PSG2: variants seen among roughly 807,000 people sequenced by gnomAD.
PSG2 encodes pregnancy specific beta-1-glycoprotein 2, also known as pregnancy-specific beta-1-glycoprotein 2.
PSG2 carries 49 observed loss-of-function variants against 36.2 expected under a neutral mutation model. That is an observed-to-expected ratio of 1.35 (90% CI 1.08 to 1.72). The LOEUF (loss-of-function observed/expected upper bound fraction) is 1.72. PSG2 is among the 40% of genes most tolerant of loss of function. PSG2 has a pLI of 0.00. For missense variants in PSG2, 605 were observed against 407.2 expected, an observed-to-expected ratio of 1.49 and a Z score of -4.18; for synonymous variants, 261 against 155.6, an observed-to-expected ratio of 1.68 and a Z score of -5.04.
At position 43,072,272 on chromosome 19, in the gene PSG2, C is replaced by T. The variant is rs1355564512; in HGVS notation, c.710-318G>A. On this transcript the variant is annotated intron_variant, in intron 3 of 5. Coordinates refer to ENST00000406487, the MANE Select transcript of PSG2 (RefSeq NM_031246.4). Reference sequence around the variant, plus strand: ...GAAGTAAAGTTGTCTATACTTGGACCGGAGAGAGACTGAGAGGCCTGGCCC... The same window carrying T: ...GAAGTAAAGTTGTCTATACTTGGACTGGAGAGAGACTGAGAGGCCTGGCCC... 3.9e-5 allele frequency: 62 copies of T among 1,578,622 alleles called. 2 individuals carry two copies. The highest frequency in any genetic ancestry group is 2.2e-4 in the Middle Eastern group (1 of 4,530).
Position 43,075,467 on chromosome 19 carries a change from T to C in PSG2, c.596A>G (p.Asn199Ser). The stretch of plus-strand genomic sequence containing the variant: ...GACACCAAATAGAAAGAGGGTCCTG[T>C]TGGTTTCGGACAGCTGAAACCTATG... The part of the protein sequence containing the change: ...MTHRFQLSET[N>S]RTLFLFGVTK... The change falls in exon 3 of 6, where the codon AAC (asparagine) becomes AGC (serine). Residue 199 changes from asparagine (N) to serine (S), a missense_variant. Asn to Ser is a conservative substitution (Grantham distance 46). Transcript: ENST00000406487. 1 of 1,613,186 alleles carries C rather than the reference T, an allele frequency of 6.2e-7. No individual in the cohort carries two copies. The highest frequency in any genetic ancestry group is 1.7e-4 in the Middle Eastern group (1 of 6,056).
Position 43,081,505 on chromosome 19 carries a change from C to T in PSG2, c.65-259G>A, listed in dbSNP as rs528081068. 3.6e-4 allele frequency among the ~76,000 whole-genome samples: 55 copies of T among 151,474 alleles called. 5 individuals carry two copies. The highest frequency in any genetic ancestry group is 1.3e-3 in the African/African-American group (53 of 40,994). On this transcript the variant is annotated intron_variant, in intron 1 of 5. Transcript: ENST00000406487. ...ATTCCTTCACCACTTGTGACCTTGG[C>T]ATTTTTCTGTTTGGAATCCTCTTCC...
intron 5 of PSG2, chr19:43,065,590 T>G (rs2122891428): frequency 6.6e-6 from 1 of 151,768 alleles, no homozygotes; most frequent in Non-Finnish European, 1.5e-5. Flanking sequence ...TCCCATCAGA[T>G]TTCTCTGATT....
chr19:43,080,748 A>G (rs1185926285), intron 2 of PSG2, 133 bp downstream of exon 2: 11 of 1,562,160 alleles, frequency 7.0e-6, no homozygotes, highest in Non-Finnish European at 9.7e-6. Flanking sequence ...GTCCTGCACT[A>G]AATGCCCAAA....
chr19:43,073,090 T>C (rs1973303), intron 3 of PSG2, among the ~76,000 whole-genome samples: 4 of 151,490 alleles, frequency 2.6e-5, no homozygotes, highest in Non-Finnish European at 4.4e-5. Context: ...GACTTCCCAT[T>C]GTCCTGAAAC....
Position 43,071,938 on chromosome 19 carries a change from G to C in PSG2, c.726C>G (p.Pro242=). 1 of 1,612,678 alleles carries C rather than the reference G, an allele frequency of 6.2e-7. No individual in the cohort carries two copies. Among genetic ancestry groups the C allele is most frequent in the South Asian group, 1.1e-5 (1 of 91,018 alleles). Residue 242 remains proline, a synonymous_variant, in exon 4 of 6, where the codon CCC becomes CCG. Coordinates refer to ENST00000406487, the MANE Select transcript of PSG2 (RefSeq NM_031246.4). The part of the protein sequence containing the change: ...TLNLLHGPDL[P]RIHPSYTNYR... ...AATTGGTGTATGAAGGGTGAATTCT[G>C]GGGAGGTCTGGACCATCTGGAGCAA...
intron 5 of PSG2, among the ~76,000 whole-genome samples, chr19:43,065,130 C>T (rs985987047): frequency 4.0e-5 from 6 of 151,724 alleles, no homozygotes; most frequent in Admixed American, 2.0e-4. Context: ...CCATCGCGCT[C>T]AGCCTAGAAT....
In PSG2 at chr19:43,080,929, C is replaced by G. The variant is rs368214530; in HGVS notation, c.382G>C (p.Gly128Arg). Residue 128 changes from glycine (G) to arginine (R), a missense_variant, in exon 2 of 6, where the codon GGT becomes CGT. Coordinates refer to ENST00000406487, the MANE Select transcript of PSG2 (RefSeq NM_031246.4). Reference protein sequence around the residue: ...GSYTLHIIKRGDGTRGVTGYF... With the variant: ...GSYTLHIIKRRDGTRGVTGYF... Reference sequence around the variant, plus strand: ...CCAGTTACTCCTCTAGTCCCATCACCTCGCTTTATGATGTGTAAGGTGTAG... The same window carrying G: ...CCAGTTACTCCTCTAGTCCCATCACGTCGCTTTATGATGTGTAAGGTGTAG... The G allele has an allele frequency of 6.8e-6, 11 of 1,612,676 alleles. 1 individual carries two copies. In the African/African-American group the frequency reaches 1.3e-4, roughly 20 times the overall value.
intron 2 of PSG2, among the ~76,000 whole-genome samples, chr19:43,075,952 C>T (rs1206029412): frequency 6.6e-6 from 1 of 151,536 alleles, no homozygotes; most frequent in East Asian, 1.9e-4. Flanking sequence ...GCCTGCCTGG[C>T]CCACCTTGTG....
At chr19:43,069,703 A>G (rs73559936) in intron 4 of PSG2, among the ~76,000 whole-genome samples, 1,913 of 151,794 alleles carry the variant, frequency 0.013, 96 homozygotes, top group African/African-American at 0.044. Flanking sequence ...AAATCAACCC[A>G]TAATAGATCA....
At chr19:43,070,332 G>A (rs1394101621) in intron 4 of PSG2, among the ~76,000 whole-genome samples, 1 of 151,636 alleles carries the variant, frequency 6.6e-6, no homozygotes, top group African/African-American at 2.4e-5. Flanking sequence ...GTTTGATCCA[G>A]CAATTCCACT....
At chr19:43,075,983 G>A (rs1967890405) in intron 2 of PSG2, among the ~76,000 whole-genome samples, 2 of 151,596 alleles carry the variant, frequency 1.3e-5, no homozygotes, top group Admixed American at 1.3e-4. Flanking sequence ...GGAGCATGCA[G>A]TGCTGGAATC....
At position 43,067,712 on chromosome 19, in the gene PSG2, A is replaced by G. The variant is rs1019517512; in HGVS notation, c.965-1112T>C. Among the ~76,000 whole-genome samples, 19 of 151,408 alleles carry G rather than the reference A, an allele frequency of 1.3e-4. 1 individual carries two copies. Among genetic ancestry groups the G allele is most frequent in the Non-Finnish European group, 1.8e-4 (12 of 67,968 alleles). On this transcript the variant is annotated intron_variant, in intron 4 of 5. Transcript: ENST00000406487. ...AGGTTGATGATGATGATAGTAATAT[A>G]GTAGCTGACATTGGTTCCTCTGTGT...
At chr19:43,073,690 G>C (rs1967851383) in intron 3 of PSG2, among the ~76,000 whole-genome samples, 1 of 151,668 alleles carries the variant, frequency 6.6e-6, no homozygotes, top group Non-Finnish European at 1.5e-5. Context: ...GGGAGAATCA[G>C]AAGTTGTTCA....
At chr19:43,074,196 G>C (rs886740006) in intron 3 of PSG2, among the ~76,000 whole-genome samples, 1 of 151,484 alleles carries the variant, frequency 6.6e-6, no homozygotes, top group Non-Finnish European at 1.5e-5. Flanking sequence ...AGCCTGTCAG[G>C]TCAGATTTAG....
intron 2 of PSG2, among the ~76,000 whole-genome samples, chr19:43,076,966 C>T (rs1190836611): frequency 6.6e-6 from 1 of 151,396 alleles, no homozygotes; most frequent in Non-Finnish European, 1.5e-5. Flanking sequence ...TTGAGCATTT[C>T]AGATTGTGGA....
intron 2 of PSG2, among the ~76,000 whole-genome samples, chr19:43,077,107 A>G (rs1288495836): frequency 6.6e-6 from 1 of 151,714 alleles, no homozygotes; most frequent in Non-Finnish European, 1.5e-5. Flanking sequence ...AAATGTTTTC[A>G]TAAGTGGAAA....
intron 2 of PSG2, 63 bp downstream of exon 2, chr19:43,080,818 G>T: frequency 1.2e-6 from 2 of 1,611,924 alleles, no homozygotes; most frequent in South Asian, 1.1e-5. Flanking sequence ...TGACAATCCT[G>T]TGTGTGTGAA....
intron 2 of PSG2, among the ~76,000 whole-genome samples, chr19:43,078,250 A>T (rs1967924726): frequency 6.6e-6 from 1 of 151,708 alleles, no homozygotes; most frequent in African/African-American, 2.4e-5. Context: ...CCTCCATAAA[A>T]CTAACACCCT....
Sources: allele counts gnomAD v4.1 joint callset (sites outside exome capture counted in the v4.1 genomes callset), GRCh38; gene constraint gnomAD v4.1.1; transcripts MANE v1.5; gene names NCBI Gene and HGNC (gene_info 2026-07-23, HGNC 2026-07-21).